TMEM132C: variants seen among roughly 807,000 people sequenced by gnomAD.
TMEM132C encodes protein phosphatase 1, regulatory subunit 152.
Under a neutral mutation model 61.4 loss-of-function variants are expected in TMEM132C, and 29 were observed. That is an observed-to-expected ratio of 0.47 (90% CI 0.35 to 0.64). TMEM132C has a LOEUF of 0.64. Ranked by LOEUF, TMEM132C falls within the 30% of genes least tolerant of loss-of-function variation. The probability of loss-of-function intolerance (pLI) is 0.00; values close to 1 mark genes in which losing one functional copy is unlikely to be tolerated. For synonymous variants in TMEM132C, 656 were observed against 633.1 expected, an observed-to-expected ratio of 1.04 and a Z score of -0.54; for missense variants, 1,408 against 1,476.9, an observed-to-expected ratio of 0.95 and a Z score of 0.76.
chr12:128,404,913 C>T (rs1875288334), intron 1 of TMEM132C: 1 of 152,154 alleles, frequency 6.6e-6, no homozygotes, highest in Non-Finnish European at 1.5e-5. Flanking sequence ...ACAATATCCC[C>T]AACACTGACA....
At chr12:128,673,644 T>C (rs1300351344) in intron 5 of TMEM132C, among the ~76,000 whole-genome samples, 2 of 152,254 alleles carry the variant, frequency 1.3e-5, no homozygotes, top group South Asian at 2.1e-4. Flanking sequence ...GTTTGTACAA[T>C]GTGCTGAAAT....
chr12:128,514,817 G>C (rs766959863), intron 2 of TMEM132C, among the ~76,000 whole-genome samples: 1 of 152,190 alleles, frequency 6.6e-6, no homozygotes, highest in Non-Finnish European at 1.5e-5. Context: ...AACTGGAGGT[G>C]TAGTAGTGAA....
At chr12:128,616,857 T>A (rs1876817829) in intron 4 of TMEM132C, among the ~76,000 whole-genome samples, 1 of 152,194 alleles carries the variant, frequency 6.6e-6, no homozygotes, top group Non-Finnish European at 1.5e-5. Flanking sequence ...TCTATCTGAC[T>A]CACAATGTGG....
chr12:128,558,825 A>G (rs1357498386), intron 3 of TMEM132C, among the ~76,000 whole-genome samples: 1 of 152,218 alleles, frequency 6.6e-6, no homozygotes, highest in Non-Finnish European at 1.5e-5. Flanking sequence ...TGCTTTGACT[A>G]TTTATAAGCC....
chr12:128,313,257 CAT>C (rs1186399196), intron 1 of TMEM132C, among the ~76,000 whole-genome samples: 1 of 152,200 alleles, frequency 6.6e-6, no homozygotes, highest in Non-Finnish European at 1.5e-5. Context: ...ATCTCCTGCA[CAT>C]ATGATAGGAC....
chr12:128,633,917 A>G (rs1467942100), intron 4 of TMEM132C, among the ~76,000 whole-genome samples: 1 of 152,248 alleles, frequency 6.6e-6, no homozygotes. Context: ...GCAGATGTCA[A>G]GCTAACTGCA....
At position 128,287,963 on chromosome 12, in the gene TMEM132C, C is replaced by T. The variant is rs572137269; in HGVS notation, c.85+20476C>T. ...TCATTTCGAATTGATCTAGCCCTTC[C>T]GGACATTGAGTTCTGAATTGGGATG... On this transcript the variant is annotated intron_variant, in intron 1 of 8. Transcript: ENST00000435159. Among the ~76,000 whole-genome samples the T allele has an allele frequency of 1.2e-4, 18 of 152,066 alleles. 1 individual carries two copies. The South Asian group carries it at 1.7e-3, about 14-fold the overall frequency.
chr12:128,581,803 TC>T, intron 3 of TMEM132C, among the ~76,000 whole-genome samples: 1 of 152,328 alleles, frequency 6.6e-6, no homozygotes, highest in African/African-American at 2.4e-5. Flanking sequence ...TTATTCAGAT[TC>T]CCCGAAGAGA....
chr12:128,464,925 A>G (rs1870678526), intron 2 of TMEM132C, among the ~76,000 whole-genome samples: 2 of 152,170 alleles, frequency 1.3e-5, no homozygotes, highest in Admixed American at 6.5e-5. Context: ...AGGGGTGTAC[A>G]TGCCAGTGAG....
intron 2 of TMEM132C, among the ~76,000 whole-genome samples, chr12:128,419,268 C>T (rs769897364): frequency 2.6e-5 from 4 of 152,166 alleles, no homozygotes; most frequent in Non-Finnish European, 4.4e-5. Flanking sequence ...AGATAACATC[C>T]GAGAGGCCCT....
At chr12:128,473,322 CTTCATCTTCAGTCCAGCCTCCT>C in intron 2 of TMEM132C, among the ~76,000 whole-genome samples, 2 of 103,570 alleles carry the variant, frequency 1.9e-5, no homozygotes, top group East Asian at 3.6e-4. Context: ...CAGCCTCTAT[CTTCATCTTCAGTCCAGCCTCCT>C]TCTTCATCTT....
intron 1 of TMEM132C, among the ~76,000 whole-genome samples, chr12:128,387,140 CAAAAAAAAAAA>C (rs34160455): frequency 4.7e-5 from 4 of 85,628 alleles, no homozygotes; most frequent in Admixed American, 4.3e-4. Flanking sequence ...GACTCTGCCT[CAAAAAAAAAAA>C]AAAAAAAAAA....
intron 1 of TMEM132C, among the ~76,000 whole-genome samples, chr12:128,318,591 A>G (rs1872225860): frequency 6.6e-6 from 1 of 152,214 alleles, no homozygotes; most frequent in African/African-American, 2.4e-5. Context: ...ACTATCATCC[A>G]TAACGTAATT....
chr12:128,337,117 A>C (rs1347847590), intron 1 of TMEM132C, among the ~76,000 whole-genome samples: 1 of 152,154 alleles, frequency 6.6e-6, no homozygotes, highest in African/African-American at 2.4e-5. Context: ...AAGAGAGAGA[A>C]CTGGAAGAGA....
chr12:128,315,672 T>A (rs1384089555), intron 1 of TMEM132C, among the ~76,000 whole-genome samples: 1 of 152,170 alleles, frequency 6.6e-6, no homozygotes, highest in Non-Finnish European at 1.5e-5. Context: ...TAGGATCTCA[T>A]GTGACCTTAT....
chr12:128,350,334 G>A (rs76117447), intron 1 of TMEM132C, among the ~76,000 whole-genome samples: 2 of 152,250 alleles, frequency 1.3e-5, no homozygotes, highest in Middle Eastern at 6.8e-3. Flanking sequence ...ACCATGCTGG[G>A]TGCTGGGAGT....
At position 128,641,907 on chromosome 12, in the gene TMEM132C, G is replaced by A. The variant is rs188044912; in HGVS notation, c.1305+25572G>A. Among the ~76,000 whole-genome samples, 4 of 151,396 alleles carry A rather than the reference G, an allele frequency of 2.6e-5. No individual in the cohort carries two copies. The East Asian group carries it at 5.8e-4, about 22-fold the overall frequency. ...CCTCTTAAGTTCAAGTGATTTTTGT[G>A]CCTCTGCCTCCCCAGTAGCTGGGAT... is the stretch of plus-strand genomic sequence containing the variant. On this transcript the variant is annotated intron_variant, in intron 4 of 8. Coordinates refer to ENST00000435159, the MANE Select transcript of TMEM132C (RefSeq NM_001136103.3).
At chr12:128,285,264 G>C (rs1566042051) in intron 1 of TMEM132C, among the ~76,000 whole-genome samples, 3 of 152,108 alleles carry the variant, frequency 2.0e-5, no homozygotes, top group Non-Finnish European at 4.4e-5. Flanking sequence ...TGGTATTTGA[G>C]GTGATTGATA....
At chr12:128,509,569 T>C (rs996837572) in intron 2 of TMEM132C, among the ~76,000 whole-genome samples, 1 of 152,216 alleles carries the variant, frequency 6.6e-6, no homozygotes, top group Non-Finnish European at 1.5e-5. Context: ...TTAACTTTGC[T>C]TTTGGGATAG....
Sources: gnomAD v4.1 joint callset for allele counts (sites outside exome capture counted in the v4.1 genomes callset) on GRCh38, gnomAD v4.1.1 for gene constraint, MANE v1.5 for transcripts, NCBI Gene and HGNC (gene_info 2026-07-23, HGNC 2026-07-21) for gene names.